Variants in GBE1 observed in about 807,000 individuals in gnomAD.
The protein encoded by GBE1 is 1,4-alpha-glucan-branching enzyme.
Under a neutral mutation model 88.8 loss-of-function variants are expected in GBE1, and 70 were observed. That is an observed-to-expected ratio of 0.79 (90% CI 0.65 to 0.96). GBE1 has a LOEUF of 0.96. Among genes scored for constraint, GBE1 ranks in the 40% least tolerant of loss-of-function variants. GBE1 has a pLI of 0.00. For missense variants in GBE1, 872 were observed against 871.0 expected, an observed-to-expected ratio of 1.00 and a Z score of -0.01; for synonymous variants, 284 against 300.1, an observed-to-expected ratio of 0.95 and a Z score of 0.56.
intron 2 of GBE1, among the ~76,000 whole-genome samples, chr3:81,701,514 T>G (rs991148510): frequency 1.8e-4 from 25 of 142,642 alleles, no homozygotes; most frequent in African/African-American, 2.5e-4. Context: ...AATAAGAGGG[T>G]TTTTTTTTTA....
intron 1 of GBE1, among the ~76,000 whole-genome samples, chr3:81,739,748 A>C (rs1210825821): frequency 3.9e-5 from 6 of 152,176 alleles, no homozygotes; most frequent in African/African-American, 1.4e-4. Context: ...AAACTGGTTA[A>C]GCCAATTTTA....
At chr3:81,543,983 G>T (rs1703173218) in intron 12 of GBE1, among the ~76,000 whole-genome samples, 1 of 152,082 alleles carries the variant, frequency 6.6e-6, no homozygotes, top group East Asian at 1.9e-4. Context: ...CATTTCTAAT[G>T]ATTTTCTAAT....
At chr3:81,739,756 T>C (rs772224415) in intron 1 of GBE1, among the ~76,000 whole-genome samples, 1 of 152,186 alleles carries the variant, frequency 6.6e-6, no homozygotes, top group African/African-American at 2.4e-5. Flanking sequence ...TAAGCCAATT[T>C]TACCTTGGCT....
chr3:81,687,048 G>A (rs1013532995), intron 2 of GBE1, among the ~76,000 whole-genome samples: 10 of 151,966 alleles, frequency 6.6e-5, no homozygotes, highest in East Asian at 5.8e-4. Flanking sequence ...TTAAAAGTTC[G>A]AAAACAATAA....
intron 7 of GBE1, among the ~76,000 whole-genome samples, chr3:81,607,305 C>T (rs1704116402): frequency 1.3e-5 from 2 of 152,094 alleles, no homozygotes; most frequent in African/African-American, 2.4e-5. Context: ...AATCCCAGCA[C>T]TTTGGGAGGC....
intron 14 of GBE1, among the ~76,000 whole-genome samples, chr3:81,512,346 C>T (rs2106829954): frequency 6.6e-6 from 1 of 151,912 alleles, no homozygotes; most frequent in Non-Finnish European, 1.5e-5. Context: ...TGTAACAAAC[C>T]TGTACATGTA....
At chr3:81,603,048 A>G (rs923430060) in intron 7 of GBE1, among the ~76,000 whole-genome samples, 4 of 151,914 alleles carry the variant, frequency 2.6e-5, no homozygotes, top group African/African-American at 9.7e-5. Flanking sequence ...CTCTATTCCT[A>G]AACTAGCTAT....
chr3:81,630,875 G>C (rs1356416887), intron 7 of GBE1, among the ~76,000 whole-genome samples: 2 of 152,088 alleles, frequency 1.3e-5, no homozygotes, highest in African/African-American at 2.4e-5. Context: ...TCTCAGAAAA[G>C]AGCATCATAA....
intron 7 of GBE1, among the ~76,000 whole-genome samples, chr3:81,636,449 T>C (rs1704592597): frequency 6.6e-6 from 1 of 152,196 alleles, no homozygotes; most frequent in African/African-American, 2.4e-5. Flanking sequence ...GCTTATTTCT[T>C]ACTGTCTGAC....
intron 12 of GBE1, among the ~76,000 whole-genome samples, chr3:81,556,933 T>A (rs766718487): frequency 1.3e-5 from 2 of 152,020 alleles, no homozygotes; most frequent in Non-Finnish European, 2.9e-5. Context: ...TCCTGCTGTG[T>A]AACTTTTTGT....
intron 1 of GBE1, among the ~76,000 whole-genome samples, chr3:81,739,146 A>C (rs1244513285): frequency 6.6e-6 from 1 of 152,148 alleles, no homozygotes; most frequent in Non-Finnish European, 1.5e-5. Flanking sequence ...CTGTCTCTTA[A>C]TATTATCATC....
At chr3:81,684,637 T>C (rs1344128328) in intron 2 of GBE1, among the ~76,000 whole-genome samples, 1 of 152,228 alleles carries the variant, frequency 6.6e-6, no homozygotes, top group Non-Finnish European at 1.5e-5. Flanking sequence ...ATATGAATTT[T>C]GAGGAGACGC....
chr3:81,655,713 T>C (rs1444599819), intron 3 of GBE1, among the ~76,000 whole-genome samples: 1 of 151,848 alleles, frequency 6.6e-6, no homozygotes, highest in Non-Finnish European at 1.5e-5. Context: ...AGAGGCAGGG[T>C]TTCACCATGT....
Position 81,733,232 on chromosome 3 carries a change from G to A in GBE1, c.144-27619C>T, listed in dbSNP as rs1344598740. Among the ~76,000 whole-genome samples the A allele has an allele frequency of 3.3e-5, 5 of 151,852 alleles. No homozygotes were observed. The highest frequency in any genetic ancestry group is 1.9e-4 in the East Asian group (1 of 5,170). ...TGCACATGCAAGGGATCTAAGTTGC[G>A]TGTTCCCATGAGAATCTAATGCCTG... On this transcript the variant is annotated intron_variant, in intron 1 of 15. Transcript: ENST00000429644. The surrounding 1 kb of genome is among the most constrained non-coding windows in gnomAD (Gnocchi z 4.0).
intron 8 of GBE1, among the ~76,000 whole-genome samples, chr3:81,592,766 C>A (rs527317724): frequency 6.6e-6 from 1 of 152,036 alleles, no homozygotes; most frequent in Admixed American, 6.6e-5. Flanking sequence ...TCTGCAGGGG[C>A]ACGTAGGTGT....
chr3:81,659,171 CT>C (rs996320533), intron 3 of GBE1, among the ~76,000 whole-genome samples: 25 of 151,890 alleles, frequency 1.6e-4, no homozygotes, highest in South Asian at 8.3e-4. Flanking sequence ...AAAAAAAAAT[CT>C]AAGAAGTATT....
At chr3:81,493,150 G>A (rs1702458536) in intron 15 of GBE1, among the ~76,000 whole-genome samples, 1 of 152,150 alleles carries the variant, frequency 6.6e-6, no homozygotes, top group African/African-American at 2.4e-5. Flanking sequence ...ATCTAAAAGT[G>A]AAAACCAATC....
At chr3:81,498,609 G>T (rs1057362424) in intron 15 of GBE1, among the ~76,000 whole-genome samples, 2 of 152,012 alleles carry the variant, frequency 1.3e-5, no homozygotes, top group African/African-American at 2.4e-5. Context: ...AAAATCCAGA[G>T]AATTTTATAA....
rs563435807 is a variant in GBE1, at chr3:81,742,941, A to G, written c.143+18434T>C. Among the ~76,000 whole-genome samples, 16 of 152,260 alleles carry G rather than the reference A, an allele frequency of 1.1e-4. No individual in the cohort carries two copies. The East Asian group carries it at 3.1e-3, about 29-fold the overall frequency. On this transcript the variant is annotated intron_variant, in intron 1 of 15. Transcript: ENST00000429644. ...CAACTGTTTCTAGGGACCCTCCAAC[A>G]ACGACAGTAATAAATATTTCTAGAT...
Sources: gnomAD v4.1 joint callset for allele counts (sites outside exome capture counted in the v4.1 genomes callset) on GRCh38, gnomAD v4.1.1 for gene constraint, Gnocchi (gnomAD v3.1) non-coding constraint, MANE v1.5 for transcripts, NCBI Gene and HGNC (gene_info 2026-07-23, HGNC 2026-07-21) for gene names.